Variants in CACNA1H observed in about 807,000 individuals in gnomAD.
CACNA1H encodes the protein voltage-dependent T-type calcium channel subunit alpha-1H.
CACNA1H carries 149 observed loss-of-function variants against 192.5 expected under a neutral mutation model. The ratio of observed to expected loss-of-function variants is 0.77; its 90% CI spans 0.68 to 0.89. The LOEUF is 0.89. CACNA1H is among the 40% of genes least tolerant of loss of function. The pLI is 0.00. For missense variants in CACNA1H, 4,257 were observed against 3,423.5 expected, an observed-to-expected ratio of 1.24 and a Z score of -6.08; for synonymous variants, 2,202 against 1,475.2, an observed-to-expected ratio of 1.49 and a Z score of -11.29.
chr16:1,214,338 G>A (rs1189334773), intron 27 of CACNA1H, among the ~76,000 whole-genome samples: 1 of 152,244 alleles, frequency 6.6e-6, no homozygotes, highest in Non-Finnish European at 1.5e-5. Flanking sequence ...TTAGAAGAAG[G>A]AGGTAGCCTC....
chr16:1,176,407 G>A (rs1040209565), intron 2 of CACNA1H, among the ~76,000 whole-genome samples: 24 of 152,316 alleles, frequency 1.6e-4, no homozygotes, highest in Admixed American at 4.6e-4. Flanking sequence ...GAGTGGGGTC[G>A]GCCGCTCCTA....
Position 1,200,206 on chromosome 16 carries a change from C to T in CACNA1H, c.804-50C>T, listed in dbSNP as rs72552031. ...TCACAATCGTGCCCCCGACTCTGAC[C>T]GTCCCTGACCCTGATTGTACCTTTT... On this transcript the variant is annotated intron_variant, in intron 6 of 34. Coordinates refer to ENST00000348261, the MANE Select transcript of CACNA1H (RefSeq NM_021098.3). 9,922 of 1,468,050 alleles carry T rather than the reference C, an allele frequency of 6.8e-3. 76 individuals carry two copies. The highest frequency in any genetic ancestry group is 0.032 in the Admixed American group (1,441 of 45,460). The allele number at this position is 1,468,050 out of a possible 1,614,324, so 90.9% of individuals were successfully genotyped here. A position where few individuals can be genotyped will look rare whatever the true frequency, so the allele number is the denominator to read the frequency against.
At chr16:1,160,588 G>T (rs1471193163) in intron 2 of CACNA1H, among the ~76,000 whole-genome samples, 4 of 152,196 alleles carry the variant, frequency 2.6e-5, no homozygotes, top group African/African-American at 9.7e-5. Flanking sequence ...GGTGCAGGGG[G>T]TGTGCCGCCA....
In CACNA1H at chr16:1,215,375, G is replaced by A; in HGVS notation, c.5173G>A (p.Val1725Met). The A allele has an allele frequency of 6.2e-7, 1 of 1,610,140 alleles. No homozygotes were observed. The highest frequency in any genetic ancestry group is 8.5e-7 in the Non-Finnish European group (1 of 1,178,698). Residue 1725 changes from valine to methionine, a missense_variant and splice_region_variant, in exon 29 of 35, where the codon GTG (valine) becomes ATG (methionine). Transcript: ENST00000348261. Reference sequence around the variant, plus strand: ...CATGCGCGTGCTTCGCATTGCCCGTGGTAGGTGCCCGCGTGCCCGCCAGGT... The same window carrying A: ...CATGCGCGTGCTTCGCATTGCCCGTAGTAGGTGCCCGCGTGCCCGCCAGGT... ...RIMRVLRIAR[V>M]LKLLKMATGM... is the part of the protein sequence containing the mutation.
intron 2 of CACNA1H, among the ~76,000 whole-genome samples, chr16:1,170,654 C>A (rs1233900640): frequency 6.6e-6 from 1 of 152,106 alleles, no homozygotes; most frequent in African/African-American, 2.4e-5. Flanking sequence ...TCATGCCGAC[C>A]GAGTTTGTGG....
At position 1,185,230 on chromosome 16, in the gene CACNA1H, C is replaced by T. The variant is rs150147254; in HGVS notation, c.300-9742C>T. On this transcript the variant is annotated intron_variant, in intron 2 of 34. Coordinates refer to ENST00000348261, the MANE Select transcript of CACNA1H (RefSeq NM_021098.3). ...AATATTCCAGCGTGTGACCAGACCA[C>T]GTTCCGTTTGTTCACGGGTCTGTTG... 9.6e-3 allele frequency among the ~76,000 whole-genome samples: 1,469 copies of T among 152,332 alleles called. 14 individuals carry two copies. The highest frequency in any genetic ancestry group is 0.014 in the Non-Finnish European group (974 of 68,042).
chr16:1,199,644 C>T (rs918488881), intron 6 of CACNA1H, among the ~76,000 whole-genome samples: 2 of 149,842 alleles, frequency 1.3e-5, no homozygotes, highest in Non-Finnish European at 3.0e-5. Context: ...TCTCCTCAGC[C>T]CTCACCCCGG....
intron 11 of CACNA1H, among the ~76,000 whole-genome samples, chr16:1,205,565 T>C (rs908076675): frequency 1.3e-5 from 2 of 152,130 alleles, no homozygotes; most frequent in Non-Finnish European, 2.9e-5. Flanking sequence ...ACAAAGCAGG[T>C]GTGGGGTGGC....
At position 1,218,411 on chromosome 16, in the gene CACNA1H, G is replaced by T. The variant is rs1555520247; in HGVS notation, c.5647G>T (p.Glu1883Ter). The T allele has an allele frequency of 6.4e-7, 1 of 1,555,852 alleles. No homozygotes were observed. ...GGAGCTGGACGCCGAGATCGAGCTG[G>T]AGATGGCGCAGGGCCCCGGGAGTGC... is the stretch of plus-strand genomic sequence containing the variant. ...DAELDAEIELEMAQGPGSARR... is the reference protein window; with the variant it reads ...DAELDAEIEL The change falls in exon 33 of 35, where the codon GAG (glutamate) becomes TAG (stop). Residue 1883 changes from glutamate (E) to a stop codon, truncating the protein, a stop_gained. Transcript: ENST00000348261. LOFTEE classifies it high-confidence loss of function.
chr16:1,167,579 G>A lies in CACNA1H; in HGVS notation c.299+13543G>A, dbSNP rs1397615751. 2.0e-5 allele frequency among the ~76,000 whole-genome samples: 3 copies of A among 152,218 alleles called. No individual in the cohort carries two copies. The highest frequency in any genetic ancestry group is 2.9e-5 in the Non-Finnish European group (2 of 68,040). ...GAAGGCTGGAGCCACACTCCTCACC[G>A]CGGCGGTGCCACTAATGGGGTTGCC... is the stretch of plus-strand genomic sequence containing the variant. On this transcript the variant is annotated intron_variant, in intron 2 of 34. Coordinates refer to ENST00000348261, the MANE Select transcript of CACNA1H (RefSeq NM_021098.3). This position sits in a 1 kb window ranked among gnomAD's most constrained non-coding sequence, Gnocchi z 4.2.
intron 6 of CACNA1H, among the ~76,000 whole-genome samples, chr16:1,199,595 C>T (rs1469715916): frequency 2.0e-5 from 3 of 151,066 alleles, no homozygotes; most frequent in Non-Finnish European, 3.0e-5. Context: ...TCCGTCACAC[C>T]TTACCCCAGG....
In CACNA1H at chr16:1,180,563, C is replaced by T. The variant is rs1194330914; in HGVS notation, c.300-14409C>T. Among the ~76,000 whole-genome samples, 1 of 152,124 alleles carries T rather than the reference C, an allele frequency of 6.6e-6. No individual in the cohort carries two copies. The highest frequency in any genetic ancestry group is 1.9e-4 in the East Asian group (1 of 5,158). On this transcript the variant is annotated intron_variant, in intron 2 of 34. Coordinates refer to ENST00000348261, the MANE Select transcript of CACNA1H (RefSeq NM_021098.3). The surrounding 1 kb of genome is among the most constrained non-coding windows in gnomAD (Gnocchi z 4.4). ...GGGTCCTGAGCAGGGGCTGCAGTCA[C>T]AGCCAGGCCGTGGGGGGGCCAGGGA... is the stretch of plus-strand genomic sequence containing the variant.
Position 1,208,142 on chromosome 16 carries a change from A to T in CACNA1H, c.3284A>T (p.Asp1095Val). 1 of 1,585,654 alleles carries T rather than the reference A, an allele frequency of 6.3e-7. No homozygotes were observed. Among genetic ancestry groups the T allele is most frequent in the African/African-American group, 1.3e-5 (1 of 74,102 alleles). ...ACCCCCAAGAGCTCACCATTCCTGG[A>T]TGCAGCCCCCAGCCTCCCAGACTCT... ...MPTPKSSPFL[D>V]AAPSLPDSRR... The change falls in exon 16 of 35, where the codon GAT becomes GTT. Residue 1095 changes from aspartate to valine, a missense_variant. Transcript: ENST00000348261.
At chr16:1,200,598 A>T in intron 7 of CACNA1H, 27 bp downstream of exon 7, 1 of 1,608,932 alleles carries the variant, frequency 6.2e-7, no homozygotes, top group Non-Finnish European at 8.5e-7. Flanking sequence ...TGGGACGGGG[A>T]CCCTGGGGCA....
chr16:1,201,361 C>T (rs960266352), intron 8 of CACNA1H, among the ~76,000 whole-genome samples: 4 of 152,114 alleles, frequency 2.6e-5, no homozygotes, highest in Admixed American at 2.6e-4. Context: ...AGAGTGGCCA[C>T]CGTTGAGAGG....
In CACNA1H at chr16:1,204,293, G is replaced by A; in HGVS notation, c.2286G>A (p.Arg762=). ...CAGGCCCAGGCAGCCCCCAGCGGCGGGCACAGCAGAGGGCAGCCCCGGGCG... is the reference window on the plus strand; with the variant it reads ...CAGGCCCAGGCAGCCCCCAGCGGCGAGCACAGCAGAGGGCAGCCCCGGGCG... ...PGPGPGSPQR[R]AQQRAAPGEP... Residue 762 remains arginine (R), a synonymous_variant, in exon 10 of 35, where the codon CGG becomes CGA. Coordinates refer to ENST00000348261, the MANE Select transcript of CACNA1H (RefSeq NM_021098.3). 6.2e-7 allele frequency: 1 copy of A among 1,604,728 alleles called. No individual in the cohort carries two copies. Among genetic ancestry groups the A allele is most frequent in the African/African-American group, 1.3e-5 (1 of 74,880 alleles).
chr16:1,212,558 C>T, intron 26 of CACNA1H, 30 bp downstream of exon 26: 1 of 1,604,394 alleles, frequency 6.2e-7, no homozygotes, highest in Non-Finnish European at 8.5e-7. Flanking sequence ...TGCCTCAGGC[C>T]CCGCTTCTGC....
At chr16:1,175,588 C>T (rs557461973) in intron 2 of CACNA1H, among the ~76,000 whole-genome samples, 4 of 152,286 alleles carry the variant, frequency 2.6e-5, no homozygotes, top group Non-Finnish European at 2.9e-5. Flanking sequence ...TCACTGTTGC[C>T]GTGCCCACTG....
Position 1,218,320 on chromosome 16 carries a change from G to A in CACNA1H, c.5556G>A (p.Val1852=), listed in dbSNP as rs771082967. 6.4e-6 allele frequency: 10 copies of A among 1,557,850 alleles called. No homozygotes were observed. Among genetic ancestry groups the A allele is most frequent in the South Asian group, 1.2e-5 (1 of 84,390 alleles). ...TGCTGGTGGCCCAGTTCGTGCTGGT[G>A]AACGTGGTGGTGGCCGTGCTCATGA... ...TFVLVAQFVL[V]NVVVAVLMKH... is the part of the protein sequence containing the mutation. The change falls in exon 33 of 35, where the codon GTG becomes GTA. Residue 1852 remains valine, a synonymous_variant. Coordinates refer to ENST00000348261, the MANE Select transcript of CACNA1H (RefSeq NM_021098.3).
Sources: allele counts gnomAD v4.1 joint callset (sites outside exome capture counted in the v4.1 genomes callset), GRCh38; gene constraint gnomAD v4.1.1; non-coding constraint Gnocchi (gnomAD v3.1); transcripts MANE v1.5; gene names NCBI Gene and HGNC (gene_info 2026-07-23, HGNC 2026-07-21).